Variants in SYNPO2 observed in about 807,000 individuals in gnomAD.
The protein encoded by SYNPO2 is synaptopodin 2, also known as synaptopodin-2.
A neutral mutation model predicts 85.0 loss-of-function variants in SYNPO2; 56 were observed. The ratio of observed to expected loss-of-function variants is 0.66; its 90% CI spans 0.53 to 0.82. SYNPO2 has a LOEUF of 0.82. Ranked by LOEUF, SYNPO2 falls within the 40% of genes least tolerant of loss-of-function variation. The probability of loss-of-function intolerance (pLI) is 0.00; values close to 1 mark genes in which losing one functional copy is unlikely to be tolerated. For synonymous variants in SYNPO2, 602 were observed against 591.1 expected, an observed-to-expected ratio of 1.02 and a Z score of -0.27; for missense variants, 1,575 against 1,534.2, an observed-to-expected ratio of 1.03 and a Z score of -0.44.
At chr4:119,022,695 T>TTA (rs1737776918) in intron 1 of SYNPO2, among the ~76,000 whole-genome samples, 1 of 131,918 alleles carries the variant, frequency 7.6e-6, no homozygotes. Flanking sequence ...TAATTGTATT[T>TTA]TATTTTATTT....
rs534601590 is a variant in SYNPO2 at position 118,918,970 on chromosome 4, G to C, written c.105+29829G>C. ...TAATTGTACCAACCAGACAGAATAT[G>C]CTAAAATTAGGACTATTATGAAACT... On this transcript the variant is annotated intron_variant, in intron 1 of 4. Transcript: ENST00000307142. Among the ~76,000 whole-genome samples the C allele has an allele frequency of 5.3e-5, 8 of 152,224 alleles. No individual in the cohort carries two copies. The East Asian group carries it at 1.5e-3, about 29-fold the overall frequency.
intron 1 of SYNPO2, among the ~76,000 whole-genome samples, chr4:118,907,695 A>C (rs925988572): frequency 1.3e-5 from 2 of 152,222 alleles, no homozygotes; most frequent in East Asian, 3.8e-4. Context: ...AAATGGCTTT[A>C]ATTTTTGAAA....
At chr4:118,913,937 A>G (rs887066435) in intron 1 of SYNPO2, among the ~76,000 whole-genome samples, 2 of 152,190 alleles carry the variant, frequency 1.3e-5, no homozygotes, top group African/African-American at 4.8e-5. Flanking sequence ...GACTGATGGC[A>G]ATGTGGAAAT....
At chr4:118,880,659 A>G (rs1221620321) in intron 1 of SYNPO2, among the ~76,000 whole-genome samples, 1 of 151,356 alleles carries the variant, frequency 6.6e-6, no homozygotes, top group African/African-American at 2.4e-5. Flanking sequence ...GAGGCAGGAA[A>G]TTGCTTGAAC....
upstream of SYNPO2, among the ~76,000 whole-genome samples, chr4:118,885,623 C>T (rs2149111571): frequency 6.6e-6 from 1 of 152,150 alleles, no homozygotes; most frequent in Non-Finnish European, 1.5e-5. Context: ...CAGGTGTGCA[C>T]CACCACGCCC....
intron 1 of SYNPO2, among the ~76,000 whole-genome samples, chr4:118,912,986 C>G (rs1733191811): frequency 6.6e-6 from 1 of 152,166 alleles, no homozygotes; most frequent in Non-Finnish European, 1.5e-5. Flanking sequence ...AAGGCAAAAT[C>G]AACCATACTT....
At chr4:119,000,576 C>G (rs901900520) in intron 1 of SYNPO2, among the ~76,000 whole-genome samples, 4 of 152,146 alleles carry the variant, frequency 2.6e-5, no homozygotes, top group Non-Finnish European at 5.9e-5. Context: ...TCACATTACA[C>G]AGGCTTCCTT....
At chr4:118,876,394 C>T (rs536593539) in intron 1 of SYNPO2, among the ~76,000 whole-genome samples, 3 of 152,334 alleles carry the variant, frequency 2.0e-5, no homozygotes, top group South Asian at 2.1e-4. Flanking sequence ...TCACTCCCAT[C>T]GCGCTCTGCC....
intron 1 of SYNPO2, among the ~76,000 whole-genome samples, chr4:118,960,470 A>G (rs1735039403): frequency 6.6e-6 from 1 of 152,306 alleles, no homozygotes; most frequent in Admixed American, 6.5e-5. Context: ...AATTGAATGT[A>G]AAATTGTAAA....
At chr4:118,987,777 G>A (rs186041845) in intron 1 of SYNPO2, among the ~76,000 whole-genome samples, 1 of 152,156 alleles carries the variant, frequency 6.6e-6, no homozygotes, top group East Asian at 1.9e-4. Flanking sequence ...TTATTACTCT[G>A]CTCCATTTTT....
chr4:118,913,750 G>T (rs1733218535), intron 1 of SYNPO2, among the ~76,000 whole-genome samples: 1 of 152,072 alleles, frequency 6.6e-6, no homozygotes, highest in South Asian at 2.1e-4. Flanking sequence ...TCATGGAAAG[G>T]GTTAAAAGAT....
chr4:118,972,815 A>C (rs1161780780), intron 1 of SYNPO2, among the ~76,000 whole-genome samples: 1 of 152,230 alleles, frequency 6.6e-6, no homozygotes, highest in Non-Finnish European at 1.5e-5. Flanking sequence ...TTTACTTTTC[A>C]TCACATAGTG....
chr4:119,007,251 TAC>T (rs1560972216), intron 1 of SYNPO2, among the ~76,000 whole-genome samples: 294 of 25,364 alleles, frequency 0.012, 9 homozygotes, highest in African/African-American at 0.026. Flanking sequence ...TATATGTATA[TAC>T]ATATATATAT....
chr4:118,997,427 C>T (rs1424474204), intron 1 of SYNPO2, among the ~76,000 whole-genome samples: 1 of 152,118 alleles, frequency 6.6e-6, no homozygotes, highest in Non-Finnish European at 1.5e-5. Flanking sequence ...ATACTATACT[C>T]ATGCTACCTG....
At chr4:119,002,614 C>G (rs915183878) in intron 1 of SYNPO2, among the ~76,000 whole-genome samples, 4 of 152,162 alleles carry the variant, frequency 2.6e-5, no homozygotes, top group African/African-American at 9.7e-5. Context: ...GTTGGTGACT[C>G]TCTGCCAGGT....
At chr4:119,005,371 AT>A (rs1736996432) in intron 1 of SYNPO2, among the ~76,000 whole-genome samples, 1 of 150,860 alleles carries the variant, frequency 6.6e-6, no homozygotes, top group African/African-American at 2.4e-5. Context: ...GTCTAACATT[AT>A]AGTCTTTAAT....
chr4:118,921,047 A>G (rs1733513677), intron 1 of SYNPO2, among the ~76,000 whole-genome samples: 1 of 151,902 alleles, frequency 6.6e-6, no homozygotes, highest in African/African-American at 2.4e-5. Context: ...TGGGACTACA[A>G]GCGCGCATCA....
intron 1 of SYNPO2, among the ~76,000 whole-genome samples, chr4:118,879,024 G>A (rs1440078635): frequency 1.3e-5 from 2 of 152,148 alleles, no homozygotes; most frequent in South Asian, 2.1e-4. Flanking sequence ...AACCCACAGG[G>A]AGGAATGAAC....
intron 1 of SYNPO2, among the ~76,000 whole-genome samples, chr4:118,901,368 C>A (rs1732749453): frequency 6.6e-6 from 1 of 152,194 alleles, no homozygotes; most frequent in Admixed American, 6.5e-5. Flanking sequence ...TCATAAGACA[C>A]AATAAGGCAA....
Sources: allele counts gnomAD v4.1 joint callset (sites outside exome capture counted in the v4.1 genomes callset), GRCh38; gene constraint gnomAD v4.1.1; transcripts MANE v1.5; gene names NCBI Gene and HGNC (gene_info 2026-07-23, HGNC 2026-07-21).